Variants in COLQ observed in about 807,000 individuals in gnomAD.
COLQ encodes the protein acetylcholinesterase collagenic tail peptide.
Under a neutral mutation model 69.0 loss-of-function variants are expected in COLQ, and 48 were observed. That is an observed-to-expected ratio of 0.70 (90% confidence interval 0.55 to 0.88). The LOEUF (loss-of-function observed/expected upper bound fraction) is 0.88, where lower values mean the gene tolerates loss of function less well. Ranked by LOEUF, COLQ falls within the 40% of genes least tolerant of loss-of-function variation. COLQ has a pLI of 0.00. For missense variants in COLQ, 618 were observed against 594.6 expected, an observed-to-expected ratio of 1.04 and a Z score of -0.41; for synonymous variants, 217 against 211.2, an observed-to-expected ratio of 1.03 and a Z score of -0.24.
chr3:15,507,699 C>T (rs962462025), intron 1 of COLQ, among the ~76,000 whole-genome samples: 1 of 152,214 alleles, frequency 6.6e-6, no homozygotes, highest in Non-Finnish European at 1.5e-5. Context: ...AAGTGATCTG[C>T]TAGCCTCAGC....
In COLQ at chr3:15,451,700, G is replaced by A. The variant is rs1381527440; in HGVS notation, c.1312C>T (p.Leu438=). Residue 438 remains leucine (L), a synonymous_variant, in exon 17 of 17, where the codon CTG becomes TTG. Coordinates refer to ENST00000383788, the MANE Select transcript of COLQ (RefSeq NM_005677.4). ...ETYLPGSYGD[L]QCTQYCYIDS... ...ATGTAGCAGTACTGGGTGCATTGCAGGTCTCCATATGACCTGAGGGAGGCA... is the reference window on the plus strand; with the variant it reads ...ATGTAGCAGTACTGGGTGCATTGCAAGTCTCCATATGACCTGAGGGAGGCA... 1.9e-6 allele frequency: 3 copies of A among 1,613,982 alleles called. No homozygotes were observed. The highest frequency in any genetic ancestry group is 2.7e-5 in the African/African-American group (2 of 74,932).
At chr3:15,499,165 A>T (rs2062796793) in intron 1 of COLQ, among the ~76,000 whole-genome samples, 1 of 152,200 alleles carries the variant, frequency 6.6e-6, no homozygotes, top group African/African-American at 2.4e-5. Flanking sequence ...CAACGAAACC[A>T]CAAACAAACA....
chr3:15,473,635 A>C lies in COLQ; in HGVS notation c.636+365T>G, dbSNP rs1363243965. Among the ~76,000 whole-genome samples, 1 of 152,198 alleles carries C rather than the reference A, an allele frequency of 6.6e-6. No homozygotes were observed. The highest frequency in any genetic ancestry group is 1.5e-5 in the Non-Finnish European group (1 of 68,022). On this transcript the variant is annotated intron_variant, in intron 10 of 16. Coordinates refer to ENST00000383788, the MANE Select transcript of COLQ (RefSeq NM_005677.4). The surrounding 1 kb of genome is among the most constrained non-coding windows in gnomAD (Gnocchi z 4.0). Reference sequence around the variant, plus strand: ...CTTACACTGAGGCCTGTGTGCTGACAGGGGCTTTGACCGTTGTGGCTCAGA... The same window carrying C: ...CTTACACTGAGGCCTGTGTGCTGACCGGGGCTTTGACCGTTGTGGCTCAGA...
intron 1 of COLQ, among the ~76,000 whole-genome samples, chr3:15,495,539 T>C (rs182039736): frequency 2.6e-5 from 4 of 152,308 alleles, no homozygotes; most frequent in Admixed American, 2.6e-4. Context: ...GATAGTCCTG[T>C]TTTCGTCTGT....
chr3:15,507,557 C>T (rs1380103894), intron 1 of COLQ, among the ~76,000 whole-genome samples: 2 of 151,978 alleles, frequency 1.3e-5, no homozygotes, highest in East Asian at 3.9e-4. Context: ...CAAGCTCAAA[C>T]AATCCTCCCA....
intron 8 of COLQ, among the ~76,000 whole-genome samples, 179 bp from the exon 9 acceptor site, chr3:15,474,451 C>A (rs1223839107): frequency 6.6e-6 from 1 of 152,196 alleles, no homozygotes; most frequent in Non-Finnish European, 1.5e-5. Context: ...TCTTGTTGAA[C>A]CCCAAAGACC....
At position 15,477,036 on chromosome 3, in the gene COLQ, C is replaced by T. The variant is rs1171134829; in HGVS notation, c.465+90G>A. The T allele has an allele frequency of 2.4e-6, 3 of 1,234,916 alleles. No homozygotes were observed. The African/African-American group carries it at 4.5e-5, about 18-fold the overall frequency. The allele number at this position is 1,234,916 out of a possible 1,614,324, so 76.5% of individuals were successfully genotyped here. A position where few individuals can be genotyped will look rare whatever the true frequency, so the allele number is the denominator to read the frequency against. The stretch of plus-strand genomic sequence containing the variant: ...TCTTCCCCCTCTTGAAGAAGGGATT[C>T]CCTGACTATGTGCCAGGAGCCAGGA... On this transcript the variant is annotated intron_variant, in intron 6 of 16. Transcript: ENST00000383788.
Position 15,484,536 on chromosome 3 carries a change from G to A in COLQ, c.321+3670C>T, listed in dbSNP as rs998550368. 1.5e-4 allele frequency among the ~76,000 whole-genome samples: 23 copies of A among 152,214 alleles called. 1 individual carries two copies. The highest frequency in any genetic ancestry group is 1.0e-3 in the Admixed American group (16 of 15,294). ...TTTCCAACTTGATTCCATTCTCCCC[G>A]TCACTTTCAGGTACACCAATCAGAC... On this transcript the variant is annotated intron_variant, in intron 3 of 16. Transcript: ENST00000383788.
intron 1 of COLQ, among the ~76,000 whole-genome samples, chr3:15,517,272 C>T (rs2063075824): frequency 6.6e-6 from 1 of 152,082 alleles, no homozygotes; most frequent in Admixed American, 6.6e-5. Context: ...TGGTGAAAGC[C>T]CTGGACTTAA....
chr3:15,456,112 TG>T, intron 14 of COLQ, 93 bp from the exon 15 acceptor site: 1 of 1,436,376 alleles, frequency 7.0e-7, no homozygotes, highest in Non-Finnish European at 9.7e-7. Flanking sequence ...AAGGCACTGC[TG>T]GGGGGCATGC....
At chr3:15,495,838 G>A (rs1474222226) in intron 1 of COLQ, among the ~76,000 whole-genome samples, 1 of 152,166 alleles carries the variant, frequency 6.6e-6, no homozygotes, top group Non-Finnish European at 1.5e-5. Flanking sequence ...TTCAGTTGTA[G>A]GGTGGAGGAG....
chr3:15,485,506 G>T (rs1047444681), intron 3 of COLQ, among the ~76,000 whole-genome samples: 3 of 152,198 alleles, frequency 2.0e-5, no homozygotes, highest in Non-Finnish European at 4.4e-5. Context: ...CTATTCGGCT[G>T]TCTTGGAACC....
intron 3 of COLQ, among the ~76,000 whole-genome samples, chr3:15,485,838 T>C (rs1487406038): frequency 6.6e-6 from 1 of 152,164 alleles, no homozygotes; most frequent in African/African-American, 2.4e-5. Flanking sequence ...TGTGCACCTG[T>C]GGTCCCACCC....
chr3:15,487,426 G>A (rs183223485), intron 3 of COLQ, among the ~76,000 whole-genome samples: 54 of 152,312 alleles, frequency 3.5e-4, no homozygotes, highest in Non-Finnish European at 3.4e-4. Flanking sequence ...GATACAGGCC[G>A]GAGTCCCCTC....
intron 1 of COLQ, among the ~76,000 whole-genome samples, chr3:15,520,639 C>T (rs1047913122): frequency 6.6e-6 from 1 of 152,214 alleles, no homozygotes. Context: ...TGAGGGTCTG[C>T]CTGCCTCCTT....
intron 12 of COLQ, among the ~76,000 whole-genome samples, chr3:15,459,067 C>A (rs936620197): frequency 6.6e-6 from 1 of 152,168 alleles, no homozygotes; most frequent in Non-Finnish European, 1.5e-5. Flanking sequence ...TGGTCTCGAT[C>A]TCCTGACCTC....
At chr3:15,509,238 G>C (rs1250692401) in intron 1 of COLQ, among the ~76,000 whole-genome samples, 1 of 152,158 alleles carries the variant, frequency 6.6e-6, no homozygotes, top group Non-Finnish European at 1.5e-5. Context: ...GGCAGGCCTG[G>C]TGACTTGATG....
intron 1 of COLQ, among the ~76,000 whole-genome samples, chr3:15,500,743 T>C (rs1029619733): frequency 1.3e-5 from 2 of 152,218 alleles, no homozygotes; most frequent in Non-Finnish European, 2.9e-5. Flanking sequence ...TTCTCTGGCA[T>C]TGTCTCTGTC....
At chr3:15,481,146 T>C (rs1250542484) in intron 3 of COLQ, among the ~76,000 whole-genome samples, 3 of 152,244 alleles carry the variant, frequency 2.0e-5, no homozygotes, top group African/African-American at 7.2e-5. Flanking sequence ...TCTCCCATTC[T>C]GTAGGTTGCC....
Sources: gnomAD v4.1 joint callset for allele counts (sites outside exome capture counted in the v4.1 genomes callset) on GRCh38, gnomAD v4.1.1 for gene constraint, Gnocchi (gnomAD v3.1) non-coding constraint, MANE v1.5 for transcripts, NCBI Gene and HGNC (gene_info 2026-07-23, HGNC 2026-07-21) for gene names.